Variants in GALNT3 observed in about 807,000 individuals in gnomAD.
GALNT3 encodes polypeptide N-acetylgalactosaminyltransferase 3.
In GALNT3, 51 loss-of-function variants were observed where a neutral mutation model predicts 69.8. That is an observed-to-expected ratio of 0.73 (90% CI 0.58 to 0.92). The LOEUF is 0.92. GALNT3 is among the 40% of genes least tolerant of loss of function. The pLI is 0.00. For missense variants in GALNT3, 711 were observed against 760.0 expected (o/e 0.94, Z 0.76); for synonymous variants, 265 against 248.5 (o/e 1.07, Z -0.63).
At position 165,770,282 on chromosome 2, in the gene GALNT3, T is replaced by C; in HGVS notation, c.419A>G (p.Glu140Gly). 1 of 1,614,180 alleles carries C rather than the reference T, an allele frequency of 6.2e-7. No individual in the cohort carries two copies. Among genetic ancestry groups the C allele is most frequent in the Non-Finnish European group, 8.5e-7 (1 of 1,180,032 alleles). ...TTNLSVEEQK[E>G]KERGEAKHCF... ...GTGTTTAGCTTCCCCACGTTCCTTT[T>C]CCTTTTGCTCTTCAACACTTAAATT... Residue 140 changes from glutamate to glycine, a missense_variant, in exon 2 of 11, where the codon GAA (glutamate) becomes GGA (glycine). Coordinates refer to ENST00000392701, the MANE Select transcript of GALNT3 (RefSeq NM_004482.4).
At chr2:165,766,088 C>G (rs13430211) in intron 2 of GALNT3, among the ~76,000 whole-genome samples, 58,997 of 152,028 alleles carry the variant, frequency 0.39, 12,718 homozygotes, top group Non-Finnish European at 0.49. Flanking sequence ...CTAAACCTAT[C>G]TTTTTATGAT....
At chr2:165,776,878 C>T (rs183159574) in intron 1 of GALNT3, among the ~76,000 whole-genome samples, 1 of 152,138 alleles carries the variant, frequency 6.6e-6, no homozygotes, top group African/African-American at 2.4e-5. Context: ...GCTTCTCAAA[C>T]TTTAAAGTGA....
At chr2:165,789,272 T>C (rs1199653207) in intron 1 of GALNT3, among the ~76,000 whole-genome samples, 2 of 152,168 alleles carry the variant, frequency 1.3e-5, no homozygotes, top group Non-Finnish European at 2.9e-5. Context: ...GCCTCCTAGG[T>C]ATCCTCACAT....
chr2:165,772,402 T>C lies in GALNT3; in HGVS notation c.-108-1594A>G, dbSNP rs535625660. On this transcript the variant is annotated intron_variant, in intron 1 of 10. Transcript: ENST00000392701. ...GAGTTCGAGACCAGCCTGGGCAACA[T>C]AGCAAGACCCCATCCTACAAAAAAA... Among the ~76,000 whole-genome samples, 33 of 151,822 alleles carry C rather than the reference T, an allele frequency of 2.2e-4. 1 individual carries two copies. Among genetic ancestry groups the C allele is most frequent in the Admixed American group, 2.1e-3 (32 of 15,262 alleles).
intron 10 of GALNT3, among the ~76,000 whole-genome samples, 186 bp downstream of exon 10, chr2:165,749,556 C>G (rs895816414): frequency 1.3e-5 from 2 of 152,044 alleles, no homozygotes; most frequent in Non-Finnish European, 2.9e-5. Flanking sequence ...TTTTTTGTTA[C>G]TAAGAGTACT....
chr2:165,761,782 A>T, intron 4 of GALNT3, 123 bp downstream of exon 4: 1 of 1,056,240 alleles, frequency 9.5e-7, no homozygotes, highest in Non-Finnish European at 1.5e-6. Context: ...TATAATCGCC[A>T]GTTGAAAACG....
At chr2:165,771,682 G>A (rs772459810) in intron 1 of GALNT3, 5 of 152,118 alleles carry the variant, frequency 3.3e-5, no homozygotes, top group Non-Finnish European at 5.9e-5. Context: ...TATGAGCCGC[G>A]ATAGCCAGTC....
At position 165,759,923 on chromosome 2, in the gene GALNT3, G is replaced by C. The variant is rs1558996873; in HGVS notation, c.839-353C>G. Among the ~76,000 whole-genome samples the C allele has an allele frequency of 2.6e-5, 4 of 152,016 alleles. No homozygotes were observed. The South Asian group carries it at 8.3e-4, about 32-fold the overall frequency. ...AGACAATATATTATTATTAATTACA[G>C]TCACCACGTTGTACAATAGATCTCC... On this transcript the variant is annotated intron_variant, in intron 4 of 10. Coordinates refer to ENST00000392701, the MANE Select transcript of GALNT3 (RefSeq NM_004482.4).
intron 1 of GALNT3, among the ~76,000 whole-genome samples, chr2:165,776,253 A>C (rs573036068): frequency 7.9e-5 from 12 of 152,286 alleles, no homozygotes; most frequent in African/African-American, 2.9e-4. Context: ...TGGAAGCCCT[A>C]CGTAAAAACA....
intron 2 of GALNT3, among the ~76,000 whole-genome samples, chr2:165,768,024 T>C (rs1333106253): frequency 3.9e-5 from 6 of 152,058 alleles, no homozygotes; most frequent in Non-Finnish European, 5.9e-5. Flanking sequence ...CAGGCGCACA[T>C]CACCATGCCC....
At chr2:165,755,841 G>A (rs1226000203) in intron 7 of GALNT3, among the ~76,000 whole-genome samples, 3 of 152,050 alleles carry the variant, frequency 2.0e-5, no homozygotes, top group Non-Finnish European at 4.4e-5. Context: ...GAACCCAGGC[G>A]TTTTAGCAAA....
chr2:165,774,657 G>A (rs1351592765), intron 1 of GALNT3, among the ~76,000 whole-genome samples: 1 of 152,110 alleles, frequency 6.6e-6, no homozygotes, highest in Non-Finnish European at 1.5e-5. Flanking sequence ...GAAAGCTCAT[G>A]AGAGACATGG....
chr2:165,787,510 A>C (rs1683249506), intron 1 of GALNT3, among the ~76,000 whole-genome samples: 1 of 152,206 alleles, frequency 6.6e-6, no homozygotes, highest in Non-Finnish European at 1.5e-5. Context: ...ACTAACAAGC[A>C]AGAAGCCAGA....
chr2:165,758,880 T>G lies in GALNT3; in HGVS notation c.1074-16A>C. ...AGTGGGTGTTCTGAAAAATAATCCA[T>G]TGTCAAATTTTGTTATAAAAACTAA... On this transcript the variant is annotated splice_polypyrimidine_tract_variant and intron_variant, in intron 5 of 10. Transcript: ENST00000392701. 1.4e-6 allele frequency: 2 copies of G among 1,433,632 alleles called. No homozygotes were observed. The highest frequency in any genetic ancestry group is 2.8e-5 in the African/African-American group (2 of 71,362). 88.8% of individuals were successfully genotyped at this position (1,433,632 alleles called of 1,614,324 possible).
intron 1 of GALNT3, among the ~76,000 whole-genome samples, chr2:165,785,723 A>G (rs1283903192): frequency 2.0e-5 from 3 of 152,190 alleles, no homozygotes; most frequent in Non-Finnish European, 4.4e-5. Flanking sequence ...CAGAGGCTCT[A>G]TCAGAGATGT....
At chr2:165,757,597 C>G (rs747228502) in intron 6 of GALNT3, among the ~76,000 whole-genome samples, 2 of 152,176 alleles carry the variant, frequency 1.3e-5, no homozygotes, top group African/African-American at 2.4e-5. Context: ...TGACTTCTGT[C>G]TGAACTACTG....
chr2:165,770,190 G>A lies in GALNT3; in HGVS notation c.511C>T (p.Pro171Ser), dbSNP rs1390418091. The change falls in exon 2 of 11, where the codon CCT becomes TCT. Residue 171 changes from proline to serine, a missense_variant. Pro to Ser is a moderately conservative substitution (Grantham distance 74, BLOSUM62 -1). Coordinates refer to ENST00000392701, the MANE Select transcript of GALNT3 (RefSeq NM_004482.4). ...HRDLGPDTRP[P>S]ECIEQKFKRC... ...AATAAATATTCTTCAACATACTCAG[G>A]AGGTCGAGTGTCTGGTCCAAGATCT... 1 of 1,614,098 alleles carries A rather than the reference G, an allele frequency of 6.2e-7. No homozygotes were observed. Among genetic ancestry groups the A allele is most frequent in the East Asian group, 2.2e-5 (1 of 44,878 alleles).
intron 1 of GALNT3, among the ~76,000 whole-genome samples, chr2:165,777,265 A>G (rs1682979989): frequency 6.6e-6 from 1 of 152,190 alleles, no homozygotes; most frequent in African/African-American, 2.4e-5. Context: ...GTAAAGAGTT[A>G]GGGGTAACCA....
intron 3 of GALNT3, among the ~76,000 whole-genome samples, chr2:165,762,315 T>A (rs769444987): frequency 3.3e-5 from 5 of 151,846 alleles, no homozygotes; most frequent in African/African-American, 1.2e-4. Flanking sequence ...ATATAATGTG[T>A]TTGGAGGGAA....
Sources: gnomAD v4.1 joint callset for allele counts (sites outside exome capture counted in the v4.1 genomes callset) on GRCh38, gnomAD v4.1.1 for gene constraint, MANE v1.5 for transcripts, NCBI Gene and HGNC (gene_info 2026-07-23, HGNC 2026-07-21) for gene names.